Variants in STAU2 observed in about 807,000 individuals in gnomAD.
STAU2 encodes staufen double-stranded RNA binding protein 2.
Under a neutral mutation model 65.9 loss-of-function variants are expected in STAU2, and 20 were observed. The ratio of observed to expected loss-of-function variants is 0.30; its 90% CI spans 0.21 to 0.44. The LOEUF is 0.44. STAU2 is among the 20% of genes least tolerant of loss of function. The probability of loss-of-function intolerance (pLI) is 1.00; values close to 1 mark genes in which losing one functional copy is unlikely to be tolerated. For synonymous variants in STAU2, 232 were observed against 233.9 expected (o/e 0.99, Z 0.07); for missense variants, 558 against 683.9 (o/e 0.82, Z 2.05).
intron 13 of STAU2, among the ~76,000 whole-genome samples, chr8:73,444,703 T>C (rs1323111243): frequency 6.6e-6 from 1 of 152,216 alleles, no homozygotes; most frequent in Non-Finnish European, 1.5e-5. Context: ...GGCATGGAGT[T>C]GATGCTCCAT....
At chr8:73,463,424 A>G (rs1050897959) in intron 13 of STAU2, among the ~76,000 whole-genome samples, 4 of 152,246 alleles carry the variant, frequency 2.6e-5, no homozygotes, top group African/African-American at 7.2e-5. Flanking sequence ...TGGTTTCTGT[A>G]TGAATTTCTG....
At chr8:73,425,334 C>T (rs1816728320) in intron 13 of STAU2, among the ~76,000 whole-genome samples, 1 of 152,154 alleles carries the variant, frequency 6.6e-6, no homozygotes, top group Non-Finnish European at 1.5e-5. Flanking sequence ...AGGGAGAACG[C>T]CACGTGAAGA....
chr8:73,489,442 T>C (rs1821062364), intron 13 of STAU2, among the ~76,000 whole-genome samples: 1 of 152,012 alleles, frequency 6.6e-6, no homozygotes, highest in South Asian at 2.1e-4. Context: ...TACCGTTGTC[T>C]GTCAGCTAAT....
At chr8:73,741,804 C>T (rs1038580417) in intron 1 of STAU2, among the ~76,000 whole-genome samples, 3 of 152,208 alleles carry the variant, frequency 2.0e-5, no homozygotes, top group African/African-American at 2.4e-5. Context: ...TGAGCCACCA[C>T]GCCCGGCCCG....
intron 3 of STAU2, among the ~76,000 whole-genome samples, chr8:73,711,306 T>C (rs1820886508): frequency 1.3e-5 from 2 of 152,020 alleles, no homozygotes; most frequent in Non-Finnish European, 2.9e-5. Context: ...TATAAGAAAA[T>C]ACAAGGTAAC....
chr8:73,634,275 T>G (rs944781320), intron 6 of STAU2, among the ~76,000 whole-genome samples: 3 of 152,112 alleles, frequency 2.0e-5, no homozygotes, highest in African/African-American at 2.4e-5. Flanking sequence ...ATTTATTTTT[T>G]GCTCAAAACC....
intron 13 of STAU2, chr8:73,441,100 T>C (rs1193126642): frequency 2.0e-5 from 3 of 152,280 alleles, no homozygotes; most frequent in Non-Finnish European, 2.9e-5. Flanking sequence ...TCTAAAGGAG[T>C]TGAACCACCC....
intron 10 of STAU2, among the ~76,000 whole-genome samples, chr8:73,598,458 A>T (rs911012709): frequency 6.6e-6 from 1 of 152,056 alleles, no homozygotes; most frequent in African/African-American, 2.4e-5. Context: ...CGATCTCCTG[A>T]CCTCGTGATC....
At chr8:73,660,129 G>A (rs1001622823) in intron 6 of STAU2, among the ~76,000 whole-genome samples, 3 of 152,026 alleles carry the variant, frequency 2.0e-5, no homozygotes, top group Admixed American at 6.6e-5. Context: ...TTTTGTTTTT[G>A]TCTAAAGGGG....
chr8:73,615,534 A>G (rs1206376941), intron 8 of STAU2, 141 bp downstream of exon 8: 2 of 596,920 alleles, frequency 3.4e-6, no homozygotes, highest in Non-Finnish European at 5.9e-6. Context: ...ACCAGGGCCT[A>G]GATCATTTCA....
intron 11 of STAU2, among the ~76,000 whole-genome samples, chr8:73,589,573 A>C (rs1810621727): frequency 6.6e-6 from 1 of 152,228 alleles, no homozygotes; most frequent in South Asian, 2.1e-4. Context: ...AAAATATTAG[A>C]GATCAAAACA....
At chr8:73,442,121 G>A (rs1388178686) in intron 13 of STAU2, among the ~76,000 whole-genome samples, 2 of 152,118 alleles carry the variant, frequency 1.3e-5, no homozygotes, top group South Asian at 2.1e-4. Context: ...TTGGGAGGCC[G>A]AGGTGGGCGG....
At chr8:73,655,547 T>C (rs1458674945) in intron 6 of STAU2, among the ~76,000 whole-genome samples, 4 of 152,042 alleles carry the variant, frequency 2.6e-5, no homozygotes, top group East Asian at 1.9e-4. Flanking sequence ...TAGGAGTTTG[T>C]ACTTCCATGT....
At chr8:73,665,165 A>G (rs1817138621) in intron 6 of STAU2, among the ~76,000 whole-genome samples, 1 of 152,140 alleles carries the variant, frequency 6.6e-6, no homozygotes, top group Non-Finnish European at 1.5e-5. Flanking sequence ...TTTCTCCCAA[A>G]TAAAAAAAAA....
At chr8:73,697,495 C>A (rs1043297677) in intron 4 of STAU2, 1 of 152,096 alleles carries the variant, frequency 6.6e-6, no homozygotes, top group African/African-American at 2.4e-5. Flanking sequence ...GTACAAAATG[C>A]ACTGGTAACG....
At position 73,534,500 on chromosome 8, in the gene STAU2, TGTTA is replaced by T. The variant is rs551729423; in HGVS notation, c.1530+17508_1530+17511del. 1.9e-3 allele frequency among the ~76,000 whole-genome samples: 282 copies of T among 152,322 alleles called. 2 individuals are homozygous for T. The highest frequency in any genetic ancestry group is 6.0e-3 in the African/African-American group (251 of 41,568). ...CTACAGTCAACAGTACAAATCTACA[TGTTA>T]GTTCTATTTATAACTAATGAATTAA... On this transcript the variant is annotated intron_variant, in intron 13 of 14. Transcript: ENST00000524300.
At chr8:73,716,090 TC>T (rs1421572100) in intron 3 of STAU2, among the ~76,000 whole-genome samples, 4 of 138,074 alleles carry the variant, frequency 2.9e-5, no homozygotes, top group African/African-American at 5.7e-5. Flanking sequence ...AATTTTTTTT[TC>T]TTTTTTTTTT....
chr8:73,620,439 AC>A (rs1813142799), intron 6 of STAU2, among the ~76,000 whole-genome samples: 1 of 151,988 alleles, frequency 6.6e-6, no homozygotes, highest in Non-Finnish European at 1.5e-5. Context: ...CAATTACAAA[AC>A]TCATTTTGGT....
At chr8:73,576,689 T>C (rs1809588464) in intron 12 of STAU2, among the ~76,000 whole-genome samples, 1 of 152,222 alleles carries the variant, frequency 6.6e-6, no homozygotes, top group South Asian at 2.1e-4. Context: ...AAATATTGCC[T>C]ATTTTTCTTT....
Sources: allele counts gnomAD v4.1 joint callset (sites outside exome capture counted in the v4.1 genomes callset), GRCh38; gene constraint gnomAD v4.1.1; transcripts MANE v1.5; gene names NCBI Gene and HGNC (gene_info 2026-07-23, HGNC 2026-07-21).